The following JPH1 variants were observed in gnomAD, a reference collection of about 807,000 sequenced individuals.
JPH1 encodes junctophilin 1, also known as junctophilin-1.
Under a neutral mutation model 53.6 loss-of-function variants are expected in JPH1, and 12 were observed. That is an observed-to-expected ratio of 0.22 (90% confidence interval 0.14 to 0.36). The LOEUF is 0.36. JPH1 is among the 10% of genes least tolerant of loss of function. The pLI is 1.00. For missense variants in JPH1, 808 were observed against 905.5 expected, an observed-to-expected ratio of 0.89 and a Z score of 1.38; for synonymous variants, 375 against 363.8, an observed-to-expected ratio of 1.03 and a Z score of -0.35.
intron 2 of JPH1, among the ~76,000 whole-genome samples, chr8:74,281,489 C>T (rs1386415666): frequency 6.6e-6 from 1 of 152,166 alleles, no homozygotes; most frequent in African/African-American, 2.4e-5. Context: ...GCCTTAGTAC[C>T]CAACACACAT....
chr8:74,288,497 G>A (rs527890777), intron 2 of JPH1, among the ~76,000 whole-genome samples: 2 of 152,190 alleles, frequency 1.3e-5, no homozygotes, highest in African/African-American at 4.8e-5. Context: ...GAAGGACAGA[G>A]GATCACAGTC....
rs568792350 is a variant in JPH1 at position 74,290,424 on chromosome 8, G to A, written c.1139+24437C>T. 2.0e-5 allele frequency among the ~76,000 whole-genome samples: 3 copies of A among 152,162 alleles called. No individual in the cohort carries two copies. The East Asian group carries it at 5.8e-4, about 29-fold the overall frequency. ...AATACCTAGGAATCCAACTTACAAG[G>A]GATGTGAAGGACCTCTTCAAGAAGA... On this transcript the variant is annotated intron_variant, in intron 2 of 5. Coordinates refer to ENST00000342232, the MANE Select transcript of JPH1 (RefSeq NM_020647.4).
intron 2 of JPH1, among the ~76,000 whole-genome samples, chr8:74,290,711 C>T (rs374839888): frequency 6.6e-5 from 10 of 152,258 alleles, no homozygotes; most frequent in Admixed American, 1.3e-4. Context: ...GGAGGCATCA[C>T]GCTACCTGAC....
At chr8:74,304,679 A>T (rs2131451304) in intron 2 of JPH1, among the ~76,000 whole-genome samples, 1 of 152,328 alleles carries the variant, frequency 6.6e-6, no homozygotes, top group Non-Finnish European at 1.5e-5. Flanking sequence ...TAGACCAAGC[A>T]ACTGAGATCA....
intron 2 of JPH1, among the ~76,000 whole-genome samples, chr8:74,312,169 T>C (rs1808015461): frequency 6.6e-6 from 1 of 152,266 alleles, no homozygotes; most frequent in Non-Finnish European, 1.5e-5. Context: ...TATTTATTTT[T>C]AATTTGTTGA....
chr8:74,318,443 T>C (rs937395506), intron 1 of JPH1, among the ~76,000 whole-genome samples: 1 of 152,150 alleles, frequency 6.6e-6, no homozygotes, highest in Admixed American at 6.5e-5. Context: ...TCCCAGATAT[T>C]TTCAATAGTT....
chr8:74,282,275 A>G (rs1807035865), intron 2 of JPH1, among the ~76,000 whole-genome samples: 1 of 151,432 alleles, frequency 6.6e-6, no homozygotes. Context: ...TTGCATGCCT[A>G]CTAGTCTAGA....
At chr8:74,267,629 G>A (rs183199784) in intron 2 of JPH1, among the ~76,000 whole-genome samples, 1 of 152,344 alleles carries the variant, frequency 6.6e-6, no homozygotes, top group East Asian at 1.9e-4. Flanking sequence ...ACTGAAGGGA[G>A]TTGGCGAGGA....
At chr8:74,242,534 C>T (rs546663428) in intron 4 of JPH1, among the ~76,000 whole-genome samples, 7 of 152,322 alleles carry the variant, frequency 4.6e-5, no homozygotes, top group African/African-American at 7.2e-5. Flanking sequence ...CTAACTTATA[C>T]AGTGTCTTTC....
chr8:74,244,585 G>C lies in JPH1; in HGVS notation c.1849C>G (p.Pro617Ala), dbSNP rs779379679. 2 of 1,614,038 alleles carry C rather than the reference G, an allele frequency of 1.2e-6. No homozygotes were observed. Among genetic ancestry groups the C allele is most frequent in the South Asian group, 2.2e-5 (2 of 91,040 alleles). Residue 617 changes from proline to alanine, a missense_variant, in exon 4 of 6, where the codon CCA becomes GCA. This residue lies in a region of JPH1 where 756 missense variants were observed against 811.9 expected (regional missense o/e 0.93). Transcript: ENST00000342232. ...GAATCGTTGCTTGCTGGATTCTTTG[G>C]TATAGCAAGTTCAGACTTCTTAGCT... is the stretch of plus-strand genomic sequence containing the variant. ...PKAKKSELAI[P>A]KNPASNDSCP... is the part of the protein sequence containing the mutation.
At chr8:74,252,518 T>C (rs1806095829) in intron 3 of JPH1, among the ~76,000 whole-genome samples, 2 of 152,208 alleles carry the variant, frequency 1.3e-5, no homozygotes, top group East Asian at 1.9e-4. Flanking sequence ...AACATCATAA[T>C]GACAGGATCA....
intron 3 of JPH1, among the ~76,000 whole-genome samples, chr8:74,245,719 C>T (rs571456062): frequency 3.3e-5 from 5 of 152,086 alleles, no homozygotes; most frequent in African/African-American, 9.7e-5. Context: ...ATGGAAAACA[C>T]GGATTTGCAC....
At position 74,237,421 on chromosome 8, in the gene JPH1, A is replaced by G. The variant is rs187686957; in HGVS notation, c.1906-118T>C. 3 of 772,388 alleles carry G rather than the reference A, an allele frequency of 3.9e-6. No homozygotes were observed. The Admixed American group carries it at 7.3e-5, about 19-fold the overall frequency. The allele number at this position is 772,388 out of a possible 1,614,324, so 47.8% of individuals were successfully genotyped here. ...CATGATTGCAGTAAATAAGGCATAA[A>G]AGATGACAGCAGTTCGGAAAGGTGT... On this transcript the variant is annotated intron_variant, in intron 4 of 5. Coordinates refer to ENST00000342232, the MANE Select transcript of JPH1 (RefSeq NM_020647.4).
chr8:74,289,582 C>T (rs1368217691), intron 2 of JPH1, among the ~76,000 whole-genome samples: 1 of 152,202 alleles, frequency 6.6e-6, no homozygotes, highest in Non-Finnish European at 1.5e-5. Flanking sequence ...CTCCCCATTT[C>T]TACCTGCCTA....
rs961198924 is a variant in JPH1 at position 74,320,776 on chromosome 8, T to C, written c.379+133A>G. Reference sequence around the variant, plus strand: ...GGAAAGGCGGGCGCGGGCGCGGGGGTGGGAGGCGCCCCCAGGTGTTTTGGC... The same window carrying C: ...GGAAAGGCGGGCGCGGGCGCGGGGGCGGGAGGCGCCCCCAGGTGTTTTGGC... On this transcript the variant is annotated intron_variant, in intron 1 of 5. Coordinates refer to ENST00000342232, the MANE Select transcript of JPH1 (RefSeq NM_020647.4). The surrounding 1 kb of genome is among the most constrained non-coding windows in gnomAD (Gnocchi z 4.4). 6.4e-6 allele frequency: 7 copies of C among 1,101,286 alleles called. 1 individual carries two copies. In the South Asian group the frequency reaches 8.2e-5, roughly 13 times the overall value. 68.2% of individuals were successfully genotyped at this position (1,101,286 alleles called of 1,614,324 possible).
chr8:74,320,888 G>A lies in JPH1; in HGVS notation c.379+21C>T. On this transcript the variant is annotated intron_variant, in intron 1 of 5. Transcript: ENST00000342232. The surrounding 1 kb of genome is among the most constrained non-coding windows in gnomAD (Gnocchi z 4.4). The stretch of plus-strand genomic sequence containing the variant: ...CCGCACCAGCTCGCGGAGCAGCCGA[G>A]CCGCCCGTTACGCCGCTCACCTCCG... The A allele has an allele frequency of 6.7e-7, 1 of 1,495,716 alleles. No individual in the cohort carries two copies. The highest frequency in any genetic ancestry group is 8.9e-7 in the Non-Finnish European group (1 of 1,123,274). The allele number at this position is 1,495,716 out of a possible 1,614,324, so 92.7% of individuals were successfully genotyped here.
At chr8:74,307,654 T>G (rs911326173) in intron 2 of JPH1, among the ~76,000 whole-genome samples, 1 of 152,118 alleles carries the variant, frequency 6.6e-6, no homozygotes. Flanking sequence ...GATTTCCCCT[T>G]CCCGTTAAAA....
intron 2 of JPH1, among the ~76,000 whole-genome samples, chr8:74,295,774 C>A (rs990841519): frequency 1.3e-5 from 2 of 152,072 alleles, no homozygotes; most frequent in African/African-American, 4.8e-5. Flanking sequence ...ATGGGTCTCT[C>A]GGGTTCTTGC....
chr8:74,257,318 A>G (rs2131391325), intron 3 of JPH1, among the ~76,000 whole-genome samples: 1 of 152,280 alleles, frequency 6.6e-6, no homozygotes, highest in African/African-American at 2.4e-5. Flanking sequence ...TTCCCTTCAA[A>G]TGCTTTTACA....
Sources: gnomAD v4.1 joint callset for allele counts (sites outside exome capture counted in the v4.1 genomes callset) on GRCh38, gnomAD v4.1.1 for gene constraint, gnomAD v4.1.1 regional missense constraint, Gnocchi (gnomAD v3.1) non-coding constraint, MANE v1.5 for transcripts, NCBI Gene and HGNC (gene_info 2026-07-23, HGNC 2026-07-21) for gene names.